PRKAG2: variants seen among roughly 807,000 people sequenced by gnomAD.
The protein encoded by PRKAG2 is 5'-AMP-activated protein kinase subunit gamma-2.
PRKAG2 carries 26 observed loss-of-function variants against 69.6 expected under a neutral mutation model. The observed-to-expected ratio is 0.37, with a 90% CI of 0.27 to 0.52. The LOEUF (loss-of-function observed/expected upper bound fraction) is 0.52, where lower values mean the gene tolerates loss of function less well. Ranked by LOEUF, PRKAG2 falls within the 20% of genes least tolerant of loss-of-function variation. PRKAG2 has a pLI of 0.90. For synonymous variants in PRKAG2, 293 were observed against 285.0 expected (o/e 1.03, Z -0.28); for missense variants, 557 against 740.0 (o/e 0.75, Z 2.87).
intron 3 of PRKAG2, among the ~76,000 whole-genome samples, chr7:151,684,263 C>T (rs1173452053): frequency 6.6e-6 from 1 of 152,196 alleles, no homozygotes; most frequent in Non-Finnish European, 1.5e-5. Flanking sequence ...CTGGGAAAAG[C>T]CCCTTCAGAA....
chr7:151,630,707 T>C (rs914693351), intron 5 of PRKAG2, among the ~76,000 whole-genome samples: 1 of 152,234 alleles, frequency 6.6e-6, no homozygotes, highest in Non-Finnish European at 1.5e-5. Context: ...GACAAAACCC[T>C]GGTGATTTAG....
At chr7:151,693,058 A>G (rs1835952700) in intron 3 of PRKAG2, among the ~76,000 whole-genome samples, 1 of 152,166 alleles carries the variant, frequency 6.6e-6, no homozygotes, top group Non-Finnish European at 1.5e-5. Context: ...GGGAGCAGAA[A>G]GGGAGATCCC....
At chr7:151,654,258 C>T (rs538661052) in intron 4 of PRKAG2, among the ~76,000 whole-genome samples, 14 of 152,224 alleles carry the variant, frequency 9.2e-5, no homozygotes, top group African/African-American at 2.6e-4. Context: ...AGGATGAGGA[C>T]GAGGCTTGCA....
At chr7:151,601,939 G>A (rs187542883) in intron 5 of PRKAG2, among the ~76,000 whole-genome samples, 1 of 152,348 alleles carries the variant, frequency 6.6e-6, no homozygotes, top group East Asian at 1.9e-4. Flanking sequence ...CGGCTGTCAG[G>A]GAGGGAACGG....
intron 5 of PRKAG2, among the ~76,000 whole-genome samples, chr7:151,603,992 GC>G (rs1198802780): frequency 6.6e-6 from 1 of 152,184 alleles, no homozygotes; most frequent in Non-Finnish European, 1.5e-5. Flanking sequence ...CAGAGGCTGT[GC>G]CCCAGCCAGT....
At position 151,807,791 on chromosome 7, in the gene PRKAG2, T is replaced by C. The variant is rs1385365250; in HGVS notation, c.115-21250A>G. The C allele has an allele frequency of 5.5e-6, 2 of 360,988 alleles. No homozygotes were observed. The highest frequency in any genetic ancestry group is 4.3e-5 in the African/African-American group (2 of 46,942). The allele number at this position is 360,988 out of a possible 1,614,324, so 22.4% of individuals were successfully genotyped here. A position where few individuals can be genotyped will look rare whatever the true frequency, so the allele number is the denominator to read the frequency against. On this transcript the variant is annotated intron_variant, in intron 1 of 15. Transcript: ENST00000287878. This position sits in a 1 kb window ranked among gnomAD's most constrained non-coding sequence, Gnocchi z 4.4. ...TCTCTGACTTGGCGGGTTATTGGAT[T>C]AGCTACTCTCAGAAGACCCAAAAGG...
chr7:151,855,501 TCC>T (rs1376985601), intron 1 of PRKAG2, among the ~76,000 whole-genome samples: 3 of 83,512 alleles, frequency 3.6e-5, no homozygotes, highest in African/African-American at 9.1e-5. Flanking sequence ...CACACCACCC[TCC>T]ACACACACCG....
rs2078597588 is a variant in PRKAG2, at chr7:151,814,955, G to A, written c.115-28414C>T. The A allele has an allele frequency of 2.0e-6, 2 of 1,024,766 alleles. No individual in the cohort carries two copies. The highest frequency in any genetic ancestry group is 4.3e-5 in the Admixed American group (1 of 23,440). 63.5% of individuals were successfully genotyped at this position (1,024,766 alleles called of 1,614,324 possible). A position where few individuals can be genotyped will look rare whatever the true frequency, so the allele number is the denominator to read the frequency against. On this transcript the variant is annotated intron_variant, in intron 1 of 15. Coordinates refer to ENST00000287878, the MANE Select transcript of PRKAG2 (RefSeq NM_016203.4). The surrounding 1 kb of genome is among the most constrained non-coding windows in gnomAD (Gnocchi z 4.8). ...GGCAGCAGGATGGAGGGAGGCAGGAGCAGAGGCCGATGATGCAGCAGTGGA... is the reference window on the plus strand; with the variant it reads ...GGCAGCAGGATGGAGGGAGGCAGGAACAGAGGCCGATGATGCAGCAGTGGA...
intron 3 of PRKAG2, among the ~76,000 whole-genome samples, chr7:151,761,243 C>T (rs1171077957): frequency 6.6e-6 from 1 of 152,130 alleles, no homozygotes; most frequent in African/African-American, 2.4e-5. Context: ...AACACCATTG[C>T]AAAACTAATG....
chr7:151,617,867 TA>T (rs145316671), intron 5 of PRKAG2, among the ~76,000 whole-genome samples: 1,901 of 152,340 alleles, frequency 0.012, 28 homozygotes, highest in African/African-American at 0.043. Flanking sequence ...TTATCAGTGT[TA>T]AAATGTATCT....
At chr7:151,742,449 C>A (rs1489454388) in intron 3 of PRKAG2, among the ~76,000 whole-genome samples, 1 of 151,974 alleles carries the variant, frequency 6.6e-6, no homozygotes, top group Non-Finnish European at 1.5e-5. Context: ...CATGGTGAAA[C>A]CCCGTCTCTA....
chr7:151,744,407 C>T (rs1361707435), intron 3 of PRKAG2, among the ~76,000 whole-genome samples: 1 of 152,092 alleles, frequency 6.6e-6, no homozygotes, highest in Non-Finnish European at 1.5e-5. Context: ...GGTGCCTAGC[C>T]TCCACTTGTC....
At chr7:151,617,040 G>A (rs1349174428) in intron 5 of PRKAG2, among the ~76,000 whole-genome samples, 5 of 151,822 alleles carry the variant, frequency 3.3e-5, no homozygotes, top group African/African-American at 1.2e-4. Context: ...TTGGCAGATC[G>A]CCTGAGGTCA....
At chr7:151,864,133 G>A (rs1456752869) in intron 1 of PRKAG2, among the ~76,000 whole-genome samples, 1 of 152,154 alleles carries the variant, frequency 6.6e-6, no homozygotes, top group Non-Finnish European at 1.5e-5. Flanking sequence ...AACAAGCACT[G>A]CTGTGAACTG....
At chr7:151,713,968 C>A (rs1795732774) in intron 3 of PRKAG2, among the ~76,000 whole-genome samples, 1 of 152,146 alleles carries the variant, frequency 6.6e-6, no homozygotes, top group Non-Finnish European at 1.5e-5. Context: ...CACCCCAGAT[C>A]AAATATATCA....
chr7:151,798,624 T>G (rs1433284193), intron 1 of PRKAG2, among the ~76,000 whole-genome samples: 1 of 152,206 alleles, frequency 6.6e-6, no homozygotes, highest in Non-Finnish European at 1.5e-5. Context: ...CTGAATAAAA[T>G]GTACTTCCTA....
At chr7:151,605,671 GGCTCACACC>G (rs1817358068) in intron 5 of PRKAG2, among the ~76,000 whole-genome samples, 1 of 152,100 alleles carries the variant, frequency 6.6e-6, no homozygotes, top group Non-Finnish European at 1.5e-5. Context: ...CAGGTGCAGT[GGCTCACACC>G]TGTAATCCCA....
At chr7:151,862,618 C>T (rs1211874634) in intron 1 of PRKAG2, among the ~76,000 whole-genome samples, 7 of 152,120 alleles carry the variant, frequency 4.6e-5, no homozygotes, top group South Asian at 4.2e-4. Context: ...AAAGTGTAGA[C>T]GCATGCCATC....
Position 151,719,796 on chromosome 7 carries a change from TC to T in PRKAG2, c.467-44160del, listed in dbSNP as rs1372402547. Among the ~76,000 whole-genome samples the T allele has an allele frequency of 1.1e-5, 1 of 94,644 alleles. No homozygotes were observed. Among genetic ancestry groups the T allele is most frequent in the Non-Finnish European group, 2.6e-5 (1 of 38,702 alleles). The allele number at this position is 94,644 out of a possible 152,430, so 62.1% of individuals were successfully genotyped here. ...ACAAGAAACTGGAGCCTGCCCCTCC[TC>T]CCCCTGAGTTTGCCAGGCAGCCTGT... On this transcript the variant is annotated intron_variant, in intron 3 of 15. Coordinates refer to ENST00000287878, the MANE Select transcript of PRKAG2 (RefSeq NM_016203.4). This position sits in a 1 kb window ranked among gnomAD's most constrained non-coding sequence, Gnocchi z 5.2.
Sources: gnomAD v4.1 joint callset for allele counts (sites outside exome capture counted in the v4.1 genomes callset) on GRCh38, gnomAD v4.1.1 for gene constraint, Gnocchi (gnomAD v3.1) non-coding constraint, MANE v1.5 for transcripts, NCBI Gene and HGNC (gene_info 2026-07-23, HGNC 2026-07-21) for gene names.